Variants in ANKS1B observed in about 807,000 individuals in gnomAD.
ANKS1B encodes ankyrin repeat and sterile alpha motif domain-containing protein 1B.
A neutral mutation model predicts 148.3 loss-of-function variants in ANKS1B; 36 were observed. That is an observed-to-expected ratio of 0.24 (90% CI 0.19 to 0.32). The LOEUF (loss-of-function observed/expected upper bound fraction) is 0.32, where lower values mean the gene tolerates loss of function less well. Among genes scored for constraint, ANKS1B ranks in the 10% least tolerant of loss-of-function variants. ANKS1B has a pLI of 1.00. For missense variants in ANKS1B, 1,157 were observed against 1,542.6 expected, an observed-to-expected ratio of 0.75 and a Z score of 4.19; for synonymous variants, 542 against 560.8, an observed-to-expected ratio of 0.97 and a Z score of 0.47.
intron 12 of ANKS1B, among the ~76,000 whole-genome samples, chr12:99,339,543 T>C (rs2089551242): frequency 6.6e-6 from 1 of 152,198 alleles, no homozygotes; most frequent in South Asian, 2.1e-4. Flanking sequence ...AGTTGTTCAA[T>C]ATGGTGTTCC....
At chr12:99,714,964 C>CAAA in intron 8 of ANKS1B, among the ~76,000 whole-genome samples, 1 of 124,392 alleles carries the variant, frequency 8.0e-6, no homozygotes, top group East Asian at 2.2e-4. Flanking sequence ...ATTAAAAATA[C>CAAA]AAAAAAAAAA....
intron 4 of ANKS1B, among the ~76,000 whole-genome samples, chr12:99,791,854 C>G: frequency 2.3e-5 from 1 of 43,836 alleles, no homozygotes; most frequent in East Asian, 9.6e-4. Context: ...ATTTAAAAAG[C>G]AAGAGCAAGC....
intron 1 of ANKS1B, among the ~76,000 whole-genome samples, chr12:99,950,444 T>A (rs1266085970): frequency 9.9e-5 from 15 of 152,076 alleles, no homozygotes; most frequent in African/African-American, 3.6e-4. Flanking sequence ...CATACTTTCC[T>A]TTCCCCGTAT....
At chr12:99,592,394 T>C (rs992767606) in intron 9 of ANKS1B, among the ~76,000 whole-genome samples, 6 of 151,992 alleles carry the variant, frequency 3.9e-5, no homozygotes, top group South Asian at 2.1e-4. Context: ...TAGGTCACTA[T>C]TGGATGGTAA....
chr12:99,835,453 T>C (rs772971020), intron 1 of ANKS1B, among the ~76,000 whole-genome samples: 2 of 151,750 alleles, frequency 1.3e-5, no homozygotes, highest in Non-Finnish European at 2.9e-5. Context: ...AAAAAATATA[T>C]AATGTGAGCC....
chr12:99,024,937 C>T (rs1410746669), intron 17 of ANKS1B, among the ~76,000 whole-genome samples: 2 of 152,110 alleles, frequency 1.3e-5, no homozygotes, highest in Non-Finnish European at 2.9e-5. Flanking sequence ...GAAGTTTATC[C>T]TGCCCTCCCT....
chr12:98,784,603 AGAG>A (rs1251698947), intron 22 of ANKS1B, among the ~76,000 whole-genome samples: 1 of 152,132 alleles, frequency 6.6e-6, no homozygotes, highest in Non-Finnish European at 1.5e-5. Context: ...CAGCAGCTGG[AGAG>A]GAGAACACAG....
Position 99,404,485 on chromosome 12 carries a change from C to G in ANKS1B, c.1576-4674G>C, listed in dbSNP as rs528683776. 2.1e-4 allele frequency among the ~76,000 whole-genome samples: 30 copies of G among 145,322 alleles called. 3 individuals carry two copies. Among genetic ancestry groups the G allele is most frequent in the South Asian group, 1.5e-3 (7 of 4,748 alleles). On this transcript the variant is annotated intron_variant, in intron 11 of 26. Coordinates refer to ENST00000683438, the MANE Select transcript of ANKS1B (RefSeq NM_001352186.2). ...AAAGAATCAAGCAGAAATTCTGGAG[C>G]TGAAAAATGCAACTGGTATACTGAA...
intron 25 of ANKS1B, among the ~76,000 whole-genome samples, chr12:98,772,830 C>T (rs1593247624): frequency 3.3e-5 from 5 of 152,158 alleles, no homozygotes; most frequent in Admixed American, 3.3e-4. Flanking sequence ...CTTCTGGCCC[C>T]CAGAAGCTGT....
intron 17 of ANKS1B, among the ~76,000 whole-genome samples, chr12:98,974,949 C>A (rs909363902): frequency 1.4e-5 from 2 of 144,542 alleles, no homozygotes; most frequent in East Asian, 2.2e-4. Flanking sequence ...TTCCTTCCTT[C>A]ATTTCTTCCT....
At chr12:99,044,069 G>C (rs564006793) in intron 17 of ANKS1B, among the ~76,000 whole-genome samples, 1 of 152,128 alleles carries the variant, frequency 6.6e-6, no homozygotes, top group Admixed American at 6.6e-5. Flanking sequence ...TTTGCATTTC[G>C]TGTATGTATT....
At chr12:99,958,388 TG>T (rs985319041) in intron 1 of ANKS1B, among the ~76,000 whole-genome samples, 2 of 152,150 alleles carry the variant, frequency 1.3e-5, no homozygotes, top group African/African-American at 2.4e-5. Context: ...TTTTTGTTTT[TG>T]GGGGGTTTTT....
At chr12:99,732,801 G>C (rs1290640393) in intron 8 of ANKS1B, among the ~76,000 whole-genome samples, 1 of 152,098 alleles carries the variant, frequency 6.6e-6, no homozygotes, top group South Asian at 2.1e-4. Context: ...AGTAGAGAAA[G>C]ATCAGAAAGA....
At chr12:99,725,939 G>T (rs2058573530) in intron 8 of ANKS1B, among the ~76,000 whole-genome samples, 1 of 152,144 alleles carries the variant, frequency 6.6e-6, no homozygotes, top group Non-Finnish European at 1.5e-5. Flanking sequence ...CAAGTTATTT[G>T]AAACCAATAA....
intron 8 of ANKS1B, among the ~76,000 whole-genome samples, chr12:99,746,315 A>G (rs10778012): frequency 6.6e-6 from 1 of 151,968 alleles, no homozygotes; most frequent in African/African-American, 2.4e-5. Flanking sequence ...TCCCTATCCA[A>G]GTGTTTAGTA....
At chr12:99,065,441 A>G (rs765334648) in intron 16 of ANKS1B, among the ~76,000 whole-genome samples, 4 of 152,234 alleles carry the variant, frequency 2.6e-5, no homozygotes, top group South Asian at 2.1e-4. Flanking sequence ...AATGTACCAC[A>G]CAACCAGAAT....
intron 8 of ANKS1B, among the ~76,000 whole-genome samples, chr12:99,667,196 A>C (rs1017737906): frequency 6.6e-6 from 1 of 151,790 alleles, no homozygotes; most frequent in Non-Finnish European, 1.5e-5. Flanking sequence ...AAATACAAAA[A>C]AGTTTAGCCA....
At chr12:99,539,401 C>G (rs150612421) in intron 9 of ANKS1B, among the ~76,000 whole-genome samples, 17 of 151,902 alleles carry the variant, frequency 1.1e-4, no homozygotes, top group Admixed American at 1.0e-3. Flanking sequence ...ATTATTGAAA[C>G]AAACTGTTGA....
intron 11 of ANKS1B, among the ~76,000 whole-genome samples, chr12:99,401,009 G>T (rs1172033420): frequency 6.9e-6 from 1 of 144,786 alleles, no homozygotes; most frequent in African/African-American, 2.6e-5. Flanking sequence ...AAATATATAA[G>T]GTGTGTAAAT....
Sources: gnomAD v4.1 joint callset for allele counts (sites outside exome capture counted in the v4.1 genomes callset) on GRCh38, gnomAD v4.1.1 for gene constraint, MANE v1.5 for transcripts, NCBI Gene and HGNC (gene_info 2026-07-23, HGNC 2026-07-21) for gene names.